The following RPS6KA5 variants were observed in gnomAD, a reference collection of about 807,000 sequenced individuals.
RPS6KA5 encodes the protein ribosomal protein S6 kinase A5, also known as ribosomal protein S6 kinase alpha-5.
Under a neutral mutation model 85.5 loss-of-function variants are expected in RPS6KA5, and 27 were observed. That is an observed-to-expected ratio of 0.32 (90% CI 0.23 to 0.44). The LOEUF is 0.44. RPS6KA5 is among the 20% of genes least tolerant of loss of function. The pLI is 1.00. For missense variants in RPS6KA5, 811 were observed against 980.9 expected (o/e 0.83, Z 2.31); for synonymous variants, 334 against 348.2 (o/e 0.96, Z 0.46).
At position 90,849,776 on chromosome 14, in the gene RPS6KA5, T is replaced by G. The variant is rs893464513; in HGVS notation, c.*22298A>C. ...TAACAGTAACAAGCTACTACTATTA[T>G]TTCCCAAAGATGGAACAAAGGGTGA... is the stretch of plus-strand genomic sequence containing the variant. On this transcript the variant is annotated 3_prime_UTR_variant, in exon 17 of 17. Coordinates refer to ENST00000614987, the MANE Select transcript of RPS6KA5 (RefSeq NM_004755.4). 6.6e-6 allele frequency: 1 copy of G among 152,222 alleles called. No homozygotes were observed. Among genetic ancestry groups the G allele is most frequent in the Non-Finnish European group, 1.5e-5 (1 of 68,046 alleles). 9.4% of individuals were successfully genotyped at this position (152,222 alleles called of 1,614,324 possible). A position where few individuals can be genotyped will look rare whatever the true frequency, so the allele number is the denominator to read the frequency against.
chr14:91,034,544 C>T (rs1342427878), intron 1 of RPS6KA5, among the ~76,000 whole-genome samples: 2 of 152,094 alleles, frequency 1.3e-5, no homozygotes, highest in African/African-American at 2.4e-5. Context: ...TGTAAACGCA[C>T]CAATCAGCAC....
intron 3 of RPS6KA5, among the ~76,000 whole-genome samples, chr14:90,962,302 T>C (rs980965012): frequency 1.3e-5 from 1 of 76,736 alleles, no homozygotes; most frequent in East Asian, 6.7e-4. Context: ...AAACTTATCT[T>C]GGCACAGTTT....
At chr14:91,035,975 A>C (rs967766703) in intron 1 of RPS6KA5, among the ~76,000 whole-genome samples, 15 of 146,708 alleles carry the variant, frequency 1.0e-4, no homozygotes, top group African/African-American at 3.3e-4. Flanking sequence ...AAAATCCTGA[A>C]GCAGAAATAC....
chr14:90,889,753 CAT>C (rs987727650), intron 14 of RPS6KA5, among the ~76,000 whole-genome samples: 36 of 151,856 alleles, frequency 2.4e-4, no homozygotes, highest in African/African-American at 8.0e-4. Context: ...GTATAGAAAA[CAT>C]GTGGAAAGAT....
intron 2 of RPS6KA5, among the ~76,000 whole-genome samples, chr14:90,987,251 C>T (rs75677546): frequency 8.5e-4 from 130 of 152,212 alleles, no homozygotes; most frequent in African/African-American, 2.9e-3. Flanking sequence ...TATTTTAATA[C>T]GGATACTTTC....
At chr14:90,931,567 TAAAAG>T (rs1357666882) in intron 5 of RPS6KA5, among the ~76,000 whole-genome samples, 1 of 151,948 alleles carries the variant, frequency 6.6e-6, no homozygotes, top group African/African-American at 2.4e-5. Context: ...AAATAAGCCG[TAAAAG>T]AAAAGATTTA....
intron 3 of RPS6KA5, among the ~76,000 whole-genome samples, chr14:90,949,267 A>G (rs890529319): frequency 6.6e-6 from 1 of 152,266 alleles, no homozygotes; most frequent in Non-Finnish European, 1.5e-5. Context: ...ACAAACTCCT[A>G]CATAGCCTTG....
chr14:90,906,094 A>C (rs2035485051), intron 8 of RPS6KA5, 55 bp downstream of exon 8: 1 of 1,490,404 alleles, frequency 6.7e-7, no homozygotes, highest in Admixed American at 1.9e-5. Flanking sequence ...AAGAACGCCA[A>C]GGACCCTGAA....
At chr14:91,010,307 A>G (rs907452131) in intron 1 of RPS6KA5, among the ~76,000 whole-genome samples, 1 of 152,046 alleles carries the variant, frequency 6.6e-6, no homozygotes, top group Non-Finnish European at 1.5e-5. Context: ...CACAGAAATG[A>G]CCCCCTTTGA....
At chr14:90,935,611 C>T (rs529809272) in intron 5 of RPS6KA5, among the ~76,000 whole-genome samples, 27 of 152,206 alleles carry the variant, frequency 1.8e-4, no homozygotes, top group African/African-American at 6.0e-4. Context: ...TTACATTGTC[C>T]AAAGAATTAA....
chr14:90,983,867 C>T (rs1031445269), intron 2 of RPS6KA5, among the ~76,000 whole-genome samples: 2 of 145,832 alleles, frequency 1.4e-5, no homozygotes, highest in Admixed American at 1.4e-4. Flanking sequence ...TTCTTTCTGA[C>T]CAAGTCTTGC....
rs562419171 is a variant in RPS6KA5, at chr14:90,975,189, A to T, written c.394+3117T>A. ...TAAAACTTTAAGAAAACACATATTT[A>T]AAAAAAAAAAGATTTATAGTATTTA... On this transcript the variant is annotated intron_variant, in intron 3 of 16. Transcript: ENST00000614987. Among the ~76,000 whole-genome samples, 53 of 142,874 alleles carry T rather than the reference A, an allele frequency of 3.7e-4. 1 individual carries two copies. In the South Asian group the frequency reaches 7.6e-3, roughly 21 times the overall value. 93.7% of individuals were successfully genotyped at this position (142,874 alleles called of 152,430 possible). A position where few individuals can be genotyped will look rare whatever the true frequency, so the allele number is the denominator to read the frequency against.
At chr14:90,952,853 G>T (rs983065743) in intron 3 of RPS6KA5, among the ~76,000 whole-genome samples, 2 of 152,224 alleles carry the variant, frequency 1.3e-5, no homozygotes, top group Admixed American at 1.3e-4. Context: ...AGGCTCTCAA[G>T]CTCATTTATC....
At chr14:90,904,121 T>C (rs999574536) in intron 8 of RPS6KA5, among the ~76,000 whole-genome samples, 1 of 152,126 alleles carries the variant, frequency 6.6e-6, no homozygotes, top group Non-Finnish European at 1.5e-5. Context: ...GGCTAATTTT[T>C]TGTATTTTTA....
chr14:90,981,281 A>T (rs771509868), intron 2 of RPS6KA5, among the ~76,000 whole-genome samples: 6 of 152,212 alleles, frequency 3.9e-5, no homozygotes, highest in Non-Finnish European at 7.3e-5. Flanking sequence ...CTATAAGATA[A>T]TCTTTTAAAT....
chr14:90,880,199 T>C lies in RPS6KA5; in HGVS notation c.1837-4839A>G, dbSNP rs567157224. Among the ~76,000 whole-genome samples the C allele has an allele frequency of 5.9e-5, 9 of 152,284 alleles. No individual in the cohort carries two copies. The South Asian group carries it at 1.9e-3, about 32-fold the overall frequency. On this transcript the variant is annotated intron_variant, in intron 14 of 16. Transcript: ENST00000614987. ...TCGATGGTATTAAATATCTTCACGG[T>C]ATGCAACCATCATCACCATCCATCT...
At chr14:90,989,848 A>T (rs567177050) in intron 2 of RPS6KA5, among the ~76,000 whole-genome samples, 2 of 152,274 alleles carry the variant, frequency 1.3e-5, no homozygotes, top group African/African-American at 4.8e-5. Context: ...ACTTCACACA[A>T]TGCTGGATTA....
intron 1 of RPS6KA5, among the ~76,000 whole-genome samples, chr14:91,043,035 T>G (rs1156265874): frequency 6.6e-6 from 1 of 152,028 alleles, no homozygotes; most frequent in Non-Finnish European, 1.5e-5. Flanking sequence ...CCAATCCGGC[T>G]TCTCCCACCA....
intron 1 of RPS6KA5, among the ~76,000 whole-genome samples, chr14:91,011,195 A>G (rs913722602): frequency 6.6e-6 from 1 of 152,150 alleles, no homozygotes; most frequent in African/African-American, 2.4e-5. Flanking sequence ...CAAAATGGAA[A>G]CTAAAAAACA....
Sources: gnomAD v4.1 joint callset for allele counts (sites outside exome capture counted in the v4.1 genomes callset) on GRCh38, gnomAD v4.1.1 for gene constraint, MANE v1.5 for transcripts, NCBI Gene and HGNC (gene_info 2026-07-23, HGNC 2026-07-21) for gene names.